The following ADD3 variants were observed in gnomAD, a reference collection of about 807,000 sequenced individuals.
The protein encoded by ADD3 is gamma-adducin.
A neutral mutation model predicts 80.2 loss-of-function variants in ADD3; 25 were observed. The ratio of observed to expected loss-of-function variants is 0.31; its 90% CI spans 0.23 to 0.44. The LOEUF (loss-of-function observed/expected upper bound fraction) is 0.44, where lower values mean the gene tolerates loss of function less well. ADD3 is among the 20% of genes least tolerant of loss of function. ADD3 has a pLI of 1.00. For synonymous variants in ADD3, 284 were observed against 289.6 expected (o/e 0.98, Z 0.20); for missense variants, 829 against 847.5 (o/e 0.98, Z 0.27).
At chr10:110,081,788 T>C (rs182119141) in intron 1 of ADD3, among the ~76,000 whole-genome samples, 1 of 152,364 alleles carries the variant, frequency 6.6e-6, no homozygotes, top group East Asian at 1.9e-4. Context: ...TACATCCTGA[T>C]GGCTTCTTTG....
chr10:110,010,543 T>G (rs957749381), intron 1 of ADD3, among the ~76,000 whole-genome samples: 1 of 152,232 alleles, frequency 6.6e-6, no homozygotes, highest in Non-Finnish European at 1.5e-5. Context: ...ATTATCAGTA[T>G]GTAAAGTGAC....
intron 2 of ADD3, among the ~76,000 whole-genome samples, chr10:110,108,290 G>T (rs1849614588): frequency 6.6e-6 from 1 of 152,088 alleles, no homozygotes; most frequent in African/African-American, 2.4e-5. Flanking sequence ...TAGCCTAAGA[G>T]GTTTACTCAA....
intron 13 of ADD3, among the ~76,000 whole-genome samples, chr10:110,131,865 G>A (rs1377335155): frequency 6.6e-6 from 1 of 152,142 alleles, no homozygotes; most frequent in Non-Finnish European, 1.5e-5. Context: ...ATGACCTTAT[G>A]AATTAGCTCA....
At position 110,125,825 on chromosome 10, in the gene ADD3, G is replaced by A; in HGVS notation, c.1402-1G>A. 1 of 1,571,908 alleles carries A rather than the reference G, an allele frequency of 6.4e-7. No homozygotes were observed. Among genetic ancestry groups the A allele is most frequent in the Non-Finnish European group, 8.7e-7 (1 of 1,155,758 alleles). On this transcript the variant is annotated splice_acceptor_variant, in intron 10 of 14. Transcript: ENST00000356080. LOFTEE classifies it high-confidence loss of function. ...ATTTTAGAAAATTTTTGATTCTTTA[G>A]TGGATGAAAGCAGAAGACTCATCTA...
intron 1 of ADD3, among the ~76,000 whole-genome samples, chr10:109,999,376 C>T (rs1851440077): frequency 6.6e-6 from 1 of 152,154 alleles, no homozygotes; most frequent in South Asian, 2.1e-4. Context: ...CTCCTGCCAC[C>T]GCCATCACCT....
chr10:110,043,643 A>C lies in ADD3; in HGVS notation c.-30+35344A>C, dbSNP rs1192904706. Reference sequence around the variant, plus strand: ...TTGTAAAAGCTATGTTAGTCTCTTGAAACTAAGATATTATTTTCAAATTAT... The same window carrying C: ...TTGTAAAAGCTATGTTAGTCTCTTGCAACTAAGATATTATTTTCAAATTAT... On this transcript the variant is annotated intron_variant, in intron 1 of 14. Coordinates refer to ENST00000356080, the MANE Select transcript of ADD3 (RefSeq NM_016824.5). Among the ~76,000 whole-genome samples the C allele has an allele frequency of 3.9e-5, 6 of 152,206 alleles. No individual in the cohort carries two copies. In the East Asian group the frequency reaches 1.2e-3, roughly 29 times the overall value.
At position 110,024,835 on chromosome 10, in the gene ADD3, A is replaced by G. The variant is rs966275272; in HGVS notation, c.-30+16536A>G. The stretch of plus-strand genomic sequence containing the variant: ...TTTTAAATACTTGAAATTTTGAGTA[A>G]GAAATATAAGGACATGGAACAAAAT... On this transcript the variant is annotated intron_variant, in intron 1 of 14. Transcript: ENST00000356080. Among the ~76,000 whole-genome samples, 5 of 152,294 alleles carry G rather than the reference A, an allele frequency of 3.3e-5. No homozygotes were observed. In the South Asian group the frequency reaches 6.2e-4, roughly 19 times the overall value.
intron 12 of ADD3, among the ~76,000 whole-genome samples, chr10:110,127,603 G>T (rs1238199439): frequency 6.6e-6 from 1 of 152,220 alleles, no homozygotes; most frequent in African/African-American, 2.4e-5. Context: ...GTGACAGAGC[G>T]AGACTCCGTC....
At chr10:109,998,658 G>A (rs1476548936) in intron 1 of ADD3, among the ~76,000 whole-genome samples, 1 of 152,090 alleles carries the variant, frequency 6.6e-6, no homozygotes, top group East Asian at 1.9e-4. Context: ...CTCTCCTTCA[G>A]TCACAGTGTT....
At chr10:110,043,390 G>A (rs949150320) in intron 1 of ADD3, among the ~76,000 whole-genome samples, 4 of 151,806 alleles carry the variant, frequency 2.6e-5, no homozygotes, top group Non-Finnish European at 4.4e-5. Flanking sequence ...TCTTTACTAC[G>A]AAAGTTGCAT....
At chr10:110,045,922 ATG>A (rs1295402641) in intron 1 of ADD3, among the ~76,000 whole-genome samples, 2 of 152,180 alleles carry the variant, frequency 1.3e-5, no homozygotes, top group African/African-American at 2.4e-5. Context: ...AAGCTGTGTG[ATG>A]TTAATCATCT....
chr10:110,074,109 T>C (rs924449007), intron 1 of ADD3, among the ~76,000 whole-genome samples: 1 of 152,166 alleles, frequency 6.6e-6, no homozygotes, highest in African/African-American at 2.4e-5. Flanking sequence ...AGATTAAACT[T>C]GTCTCCTCTC....
chr10:110,113,422 C>T (rs536441220), intron 3 of ADD3, among the ~76,000 whole-genome samples: 3 of 152,112 alleles, frequency 2.0e-5, no homozygotes, highest in Admixed American at 6.5e-5. Context: ...TGCGCGCCAC[C>T]ACGCCTGGCT....
chr10:110,063,442 A>G (rs1174526977), intron 1 of ADD3, among the ~76,000 whole-genome samples: 1 of 151,958 alleles, frequency 6.6e-6, no homozygotes, highest in Non-Finnish European at 1.5e-5. Context: ...TTTGTATAGG[A>G]GTATATATAG....
At chr10:110,032,279 A>G (rs1160357362) in intron 1 of ADD3, among the ~76,000 whole-genome samples, 1 of 152,222 alleles carries the variant, frequency 6.6e-6, no homozygotes, top group Non-Finnish European at 1.5e-5. Context: ...GAGAGCTCGG[A>G]GAAATAGTCC....
intron 8 of ADD3, among the ~76,000 whole-genome samples, chr10:110,121,342 G>T (rs531990368): frequency 9.9e-5 from 15 of 152,060 alleles, no homozygotes; most frequent in Admixed American, 2.0e-4. Flanking sequence ...AATTAACAGG[G>T]CGTGGTGTCA....
chr10:110,132,720 G>C (rs1399041900), intron 14 of ADD3: 1 of 237,796 alleles, frequency 4.2e-6, no homozygotes, highest in African/African-American at 2.3e-5. Context: ...GAGGTCAGGA[G>C]ATCAAGACCA....
intron 1 of ADD3, among the ~76,000 whole-genome samples, chr10:110,077,752 G>A (rs1845535332): frequency 6.9e-6 from 1 of 145,732 alleles, no homozygotes; most frequent in African/African-American, 2.7e-5. Flanking sequence ...GTTCATTGAG[G>A]TCCATGTTCA....
intron 1 of ADD3, among the ~76,000 whole-genome samples, chr10:110,027,764 G>A (rs538661827): frequency 2.0e-5 from 3 of 152,246 alleles, no homozygotes; most frequent in African/African-American, 4.8e-5. Flanking sequence ...ATAATTGAAA[G>A]GAAAATGAGA....
Sources: allele counts gnomAD v4.1 joint callset (sites outside exome capture counted in the v4.1 genomes callset), GRCh38; gene constraint gnomAD v4.1.1; transcripts MANE v1.5; gene names NCBI Gene and HGNC (gene_info 2026-07-23, HGNC 2026-07-21).